Variants in PLCD3 observed in about 807,000 individuals in gnomAD.
PLCD3 encodes the protein phospholipase C delta 3, also known as 1-phosphatidylinositol 4,5-bisphosphate phosphodiesterase delta-3.
In PLCD3, 62 loss-of-function variants were observed where a neutral mutation model predicts 82.8. The observed-to-expected ratio is 0.75, with a 90% CI of 0.61 to 0.93. The LOEUF (loss-of-function observed/expected upper bound fraction) is 0.93. Ranked by LOEUF, PLCD3 falls within the 40% of genes least tolerant of loss-of-function variation. The probability of loss-of-function intolerance (pLI) is 0.00; values close to 1 mark genes in which losing one functional copy is unlikely to be tolerated. For synonymous variants in PLCD3, 478 were observed against 471.8 expected (o/e 1.01, Z -0.17); for missense variants, 1,023 against 1,103.4 (o/e 0.93, Z 1.03).
rs1206006154 is a variant in PLCD3 at position 45,112,398 on chromosome 17, A to G, written c.*218T>C. Reference sequence around the variant, plus strand: ...GGCCATCTCAGGGCCCCAGGGTTGGAGCTCACTGAAGTCACATGAACACCT... The same window carrying G: ...GGCCATCTCAGGGCCCCAGGGTTGGGGCTCACTGAAGTCACATGAACACCT... On this transcript the variant is annotated 3_prime_UTR_variant, in exon 15 of 15. Coordinates refer to ENST00000619929, the MANE Select transcript of PLCD3 (RefSeq NM_133373.5). The G allele has an allele frequency of 1.0e-5, 6 of 585,310 alleles. No individual in the cohort carries two copies. Among genetic ancestry groups the G allele is most frequent in the African/African-American group, 3.7e-5 (2 of 53,624 alleles). The allele number at this position is 585,310 out of a possible 1,614,324, so 36.3% of individuals were successfully genotyped here. A position where few individuals can be genotyped will look rare whatever the true frequency, so the allele number is the denominator to read the frequency against.
intron 1 of PLCD3, among the ~76,000 whole-genome samples, chr17:45,123,713 C>A (rs2054359350): frequency 6.6e-6 from 1 of 152,192 alleles, no homozygotes; most frequent in Admixed American, 6.5e-5. Context: ...CCCACTTTGA[C>A]CATGACTGAA....
intron 8 of PLCD3, chr17:45,115,734 G>A (rs945400399): frequency 5.8e-6 from 3 of 521,140 alleles, no homozygotes; most frequent in Non-Finnish European, 1.0e-5. Context: ...TACAATGCAC[G>A]CGACAGCTCA....
In PLCD3 at chr17:45,118,937, G is replaced by A. The variant is rs775738774; in HGVS notation, c.791C>T (p.Ser264Leu). ...GGCACTCAGCACGCGGTCCTCGCCC[G>A]AGTACTGATGGAAGATCTCCTCCAG... ...PELEEIFHQY[S>L]GEDRVLSAPE... The change falls in exon 5 of 15, where the codon TCG (serine) becomes TTG (leucine). Residue 264 changes from serine (S) to leucine (L), a missense_variant. Coordinates refer to ENST00000619929, the MANE Select transcript of PLCD3 (RefSeq NM_133373.5). This position sits in a 1 kb window ranked among gnomAD's most constrained non-coding sequence, Gnocchi z 4.1. 9 of 1,612,504 alleles carry A rather than the reference G, an allele frequency of 5.6e-6. No individual in the cohort carries two copies. In the South Asian group the frequency reaches 7.7e-5, roughly 14 times the overall value.
At chr17:45,122,928 G>C (rs1425218900) in intron 1 of PLCD3, among the ~76,000 whole-genome samples, 1 of 152,094 alleles carries the variant, frequency 6.6e-6, no homozygotes, top group Non-Finnish European at 1.5e-5. Flanking sequence ...TGAGGGCCCA[G>C]AGTTTCCAGA....
chr17:45,116,423 G>GTGT (rs1369232701), intron 8 of PLCD3, among the ~76,000 whole-genome samples: 3 of 151,918 alleles, frequency 2.0e-5, no homozygotes, highest in East Asian at 3.9e-4. Context: ...GGGTGTGTGT[G>GTGT]TGGGGGGGTC....
At chr17:45,115,975 C>T (rs2054287875) in intron 8 of PLCD3, among the ~76,000 whole-genome samples, 1 of 152,178 alleles carries the variant, frequency 6.6e-6, no homozygotes, top group Non-Finnish European at 1.5e-5. Flanking sequence ...CTGCTCATCG[C>T]GTCCCTTAGT....
intron 4 of PLCD3, 167 bp from the exon 5 acceptor site, chr17:45,119,210 G>A: frequency 1.6e-6 from 1 of 624,738 alleles, no homozygotes. Context: ...TAAATTACAG[G>A]GCAGGATTTT....
In PLCD3 at chr17:45,113,187, C is replaced by T. The variant is rs752606790; in HGVS notation, c.2066G>A (p.Arg689His). 5.1e-5 allele frequency: 82 copies of T among 1,611,904 alleles called. No homozygotes were observed. The highest frequency in any genetic ancestry group is 6.7e-5 in the Non-Finnish European group (79 of 1,179,150). The change falls in exon 13 of 15, where the codon CGC becomes CAC. Residue 689 changes from arginine (R) to histidine (H), a missense_variant. Transcript: ENST00000619929. ...TGCGGGCACCCCATGGATCTCAATG[C>T]GCACCAGGGGGTCCACAATGGAGTG... is the stretch of plus-strand genomic sequence containing the variant. ...KPHSIVDPLV[R>H]IEIHGVPADC...
Position 45,118,227 on chromosome 17 carries a change from G to A in PLCD3, c.1115+64C>T. ...GGCAGGCTGGGCCAGGAAGGCCCCA[G>A]GAAGCCAGCCCATGTCTCTCCCCAG... is the stretch of plus-strand genomic sequence containing the variant. On this transcript the variant is annotated intron_variant, in intron 6 of 14. Transcript: ENST00000619929. This position sits in a 1 kb window ranked among gnomAD's most constrained non-coding sequence, Gnocchi z 4.1. 6.2e-7 allele frequency: 1 copy of A among 1,611,366 alleles called. No homozygotes were observed. The highest frequency in any genetic ancestry group is 8.5e-7 in the Non-Finnish European group (1 of 1,178,168).
rs367900773 is a variant in PLCD3 at position 45,116,424 on chromosome 17, T to TG, written c.1413+207dup. Among the ~76,000 whole-genome samples, 1,402 of 147,482 alleles carry TG rather than the reference T, an allele frequency of 9.5e-3. 18 individuals are homozygous for TG. Among genetic ancestry groups the TG allele is most frequent in the African/African-American group, 0.033 (1,276 of 38,216 alleles). On this transcript the variant is annotated intron_variant, in intron 8 of 14. Transcript: ENST00000619929. Reference sequence around the variant, plus strand: ...CAGGTTACAGAAGAGGGTGTGTGTGTGGGGGGGTCTAGTCAAGAATGGAGA... The same window carrying TG: ...CAGGTTACAGAAGAGGGTGTGTGTGTGGGGGGGGTCTAGTCAAGAATGGAGA...
At chr17:45,114,115 A>G (rs992017161) in intron 11 of PLCD3, 135 bp downstream of exon 11, 7 of 658,322 alleles carry the variant, frequency 1.1e-5, no homozygotes, top group Middle Eastern at 2.6e-4. Flanking sequence ...TCCCACCTAC[A>G]TTGCTGGCAA....
At chr17:45,115,545 CCAGT>C (rs1243859647) in intron 8 of PLCD3, 55 bp from the exon 9 acceptor site, 4 of 1,495,622 alleles carry the variant, frequency 2.7e-6, no homozygotes, top group South Asian at 2.4e-5. Flanking sequence ...CCTGTGGCAG[CCAGT>C]CAGTCAGTTA....
intron 11 of PLCD3, among the ~76,000 whole-genome samples, chr17:45,113,896 AT>A (rs1289820101): frequency 1.3e-5 from 2 of 152,074 alleles, no homozygotes; most frequent in Admixed American, 1.3e-4. Context: ...TGGGGTTTCC[AT>A]CCTTACCCCA....
chr17:45,122,148 C>CA (rs879637135), intron 1 of PLCD3, among the ~76,000 whole-genome samples: 22 of 152,240 alleles, frequency 1.4e-4, no homozygotes, highest in Admixed American at 1.4e-3. Context: ...TTCCCAAAGA[C>CA]AAGGAGGACA....
In PLCD3 at chr17:45,115,183, C is replaced by A; in HGVS notation, c.1622G>T (p.Arg541Leu). 1 of 1,587,490 alleles carries A rather than the reference C, an allele frequency of 6.3e-7. No individual in the cohort carries two copies. Among genetic ancestry groups the A allele is most frequent in the Non-Finnish European group, 8.6e-7 (1 of 1,166,562 alleles). ...LAVYCHATRL[R>L]TLHPAPNAPQ... ...GGCGTTGGGGGCAGGGTGCAGGGTC[C>A]GCAGGCGGGTGGCGTGGCAGTACAC... Residue 541 changes from arginine (R) to leucine (L), a missense_variant, in exon 10 of 15, where the codon CGG becomes CTG. Around this residue, in one of 3 missense-constraint regions of PLCD3, gnomAD observed 553 missense variants for 655.7 expected, o/e 0.84. Transcript: ENST00000619929.
chr17:45,112,793 G>T, intron 14 of PLCD3, 70 bp downstream of exon 14: 1 of 1,596,986 alleles, frequency 6.3e-7, no homozygotes, highest in Non-Finnish European at 8.5e-7. Context: ...GAAATTCGAG[G>T]CACAAAGGTG....
rs1033061790 is a variant in PLCD3 at position 45,110,773 on chromosome 17, C to T, written c.*1843G>A. ...GTGCCAGATGCCCGGGCTGCCTGGC[C>T]CGGCCCGCCTGGCTCGGCCCATTCC... On this transcript the variant is annotated 3_prime_UTR_variant, in exon 15 of 15. Coordinates refer to ENST00000619929, the MANE Select transcript of PLCD3 (RefSeq NM_133373.5). The T allele has an allele frequency of 6.6e-6, 1 of 152,234 alleles. No individual in the cohort carries two copies. The highest frequency in any genetic ancestry group is 1.5e-5 in the Non-Finnish European group (1 of 68,048). The allele number at this position is 152,234 out of a possible 1,614,324, so 9.4% of individuals were successfully genotyped here. A position where few individuals can be genotyped will look rare whatever the true frequency, so the allele number is the denominator to read the frequency against.
chr17:45,121,823 CTACTAAAAA>C (rs1245518956), intron 1 of PLCD3, among the ~76,000 whole-genome samples: 1 of 152,166 alleles, frequency 6.6e-6, no homozygotes, highest in African/African-American at 2.4e-5. Flanking sequence ...AACCCCACCT[CTACTAAAAA>C]TACAAAATTA....
At chr17:45,129,727 C>T (rs988739512) in intron 1 of PLCD3, among the ~76,000 whole-genome samples, 1 of 152,234 alleles carries the variant, frequency 6.6e-6, no homozygotes, top group East Asian at 1.9e-4. Flanking sequence ...GCGCTCCTCT[C>T]TCTTCAATGA....
Sources: gnomAD v4.1 joint callset for allele counts (sites outside exome capture counted in the v4.1 genomes callset) on GRCh38, gnomAD v4.1.1 for gene constraint, gnomAD v4.1.1 regional missense constraint, Gnocchi (gnomAD v3.1) non-coding constraint, MANE v1.5 for transcripts, NCBI Gene and HGNC (gene_info 2026-07-23, HGNC 2026-07-21) for gene names.